The following FNDC8 variants were observed in gnomAD, a reference collection of about 807,000 sequenced individuals.
The protein encoded by FNDC8 is fibronectin type III domain containing 8.
FNDC8 carries 23 observed loss-of-function variants against 24.8 expected under a neutral mutation model. The ratio of observed to expected loss-of-function variants is 0.93; its 90% CI spans 0.67 to 1.31. FNDC8 has a LOEUF of 1.31. FNDC8 is among the 40% of genes most tolerant of loss of function. The pLI is 0.00. For synonymous variants in FNDC8, 158 were observed against 165.3 expected, an observed-to-expected ratio of 0.96 and a Z score of 0.34; for missense variants, 371 against 398.2, an observed-to-expected ratio of 0.93 and a Z score of 0.58.
Position 35,130,225 on chromosome 17 carries a change from G to A in FNDC8, c.823-57G>A. The stretch of plus-strand genomic sequence containing the variant: ...AAAAAAGGGGTGATAGAGACAGAGA[G>A]AGAGCCAGGTTCAGATCTGGGAAGG... On this transcript the variant is annotated intron_variant, in intron 3 of 3. Coordinates refer to ENST00000158009, the MANE Select transcript of FNDC8 (RefSeq NM_017559.4). 5.0e-6 allele frequency: 8 copies of A among 1,586,634 alleles called. No homozygotes were observed. In the South Asian group the frequency reaches 6.8e-5, roughly 14 times the overall value.
rs933285298 is a variant in FNDC8, at chr17:35,126,904, T to C, written c.210-138T>C. ...TGCCCTGGTGAGTCTAATGCAATGCTATAGAGCAATGAGGCTGTTCCAAGC... is the reference window on the plus strand; with the variant it reads ...TGCCCTGGTGAGTCTAATGCAATGCCATAGAGCAATGAGGCTGTTCCAAGC... On this transcript the variant is annotated intron_variant, in intron 1 of 3. Transcript: ENST00000158009. The C allele has an allele frequency of 2.4e-5, 25 of 1,050,534 alleles. 1 individual carries two copies. The highest frequency in any genetic ancestry group is 2.9e-5 in the Non-Finnish European group (21 of 729,338). The allele number at this position is 1,050,534 out of a possible 1,614,324, so 65.1% of individuals were successfully genotyped here. A position where few individuals can be genotyped will look rare whatever the true frequency, so the allele number is the denominator to read the frequency against.
At chr17:35,121,957 C>CCCTTCCTTCCTCCCTTCCTTCCTT (rs1260900433) in intron 1 of FNDC8, 55 bp downstream of exon 1, 1 of 1,220,438 alleles carries the variant, frequency 8.2e-7, no homozygotes, top group Non-Finnish European at 1.2e-6. Flanking sequence ...CTTCCTTCCT[C>CCCTTCCTTCCTCCCTTCCTTCCTT]CCTTCCTTCC....
intron 1 of FNDC8, among the ~76,000 whole-genome samples, chr17:35,124,378 A>C (rs2091841234): frequency 6.6e-6 from 1 of 152,084 alleles, no homozygotes; most frequent in Non-Finnish European, 1.5e-5. Context: ...AAATACAAAA[A>C]TTAGCTGAAC....
chr17:35,125,642 A>C (rs2091846087), intron 1 of FNDC8, among the ~76,000 whole-genome samples: 1 of 152,224 alleles, frequency 6.6e-6, no homozygotes, highest in South Asian at 2.1e-4. Context: ...ATATGTAAGA[A>C]ACCTATAAAG....
intron 1 of FNDC8, 106 bp from the exon 2 acceptor site, chr17:35,126,936 C>T (rs2091851392): frequency 1.4e-6 from 2 of 1,413,928 alleles, no homozygotes; most frequent in South Asian, 2.8e-5. Context: ...AAGCTGTTTG[C>T]AAATGGCTGG....
chr17:35,130,563 AC>A lies in FNDC8; in HGVS notation c.*133del. ...CGGGGTCTGGCAGAGTGGTATGGGCACCCCACCCCTGGGCTGGGGCCAAGGC... is the reference window on the plus strand; with the variant it reads ...CGGGGTCTGGCAGAGTGGTATGGGCACCCACCCCTGGGCTGGGGCCAAGGC... On this transcript the variant is annotated 3_prime_UTR_variant, in exon 4 of 4. Transcript: ENST00000158009. 1.0e-6 allele frequency: 1 copy of A among 987,236 alleles called. No individual in the cohort carries two copies. The highest frequency in any genetic ancestry group is 1.5e-6 in the Non-Finnish European group (1 of 685,904). The allele number at this position is 987,236 out of a possible 1,614,324, so 61.2% of individuals were successfully genotyped here.
intron 1 of FNDC8, among the ~76,000 whole-genome samples, chr17:35,125,284 C>T (rs532189364): frequency 6.6e-6 from 1 of 152,010 alleles, no homozygotes; most frequent in Non-Finnish European, 1.5e-5. Flanking sequence ...CAGAAAAACA[C>T]AAAAATTAGC....
rs952890873 is a variant in FNDC8 at position 35,130,227 on chromosome 17, G to C, written c.823-55G>C. 9.4e-6 allele frequency: 15 copies of C among 1,587,900 alleles called. No individual in the cohort carries two copies. In the African/African-American group the frequency reaches 2.0e-4, roughly 22 times the overall value. On this transcript the variant is annotated intron_variant, in intron 3 of 3. Coordinates refer to ENST00000158009, the MANE Select transcript of FNDC8 (RefSeq NM_017559.4). ...AAAAGGGGTGATAGAGACAGAGAGA[G>C]AGCCAGGTTCAGATCTGGGAAGGAA... is the stretch of plus-strand genomic sequence containing the variant.
intron 1 of FNDC8, among the ~76,000 whole-genome samples, chr17:35,125,144 T>A (rs1384277858): frequency 1.3e-5 from 2 of 151,810 alleles, no homozygotes; most frequent in Non-Finnish European, 2.9e-5. Context: ...AGCAAACATC[T>A]CATAACAATA....
At chr17:35,127,482 T>C in intron 2 of FNDC8, 65 bp downstream of exon 2, 2 of 1,476,914 alleles carry the variant, frequency 1.4e-6, no homozygotes, top group South Asian at 1.5e-5. Context: ...CTGAGCTCCA[T>C]GGGTAGTGAG....
Position 35,121,820 on chromosome 17 carries a change from C to A in FNDC8, c.127C>A (p.Arg43=). The change falls in exon 1 of 4, where the codon CGG becomes AGG. Residue 43 remains arginine, a synonymous_variant. Coordinates refer to ENST00000158009, the MANE Select transcript of FNDC8 (RefSeq NM_017559.4). ...KPFSNPKSMN[R]TVTTKGLPLA... ...CTTTTCAAACCCCAAGTCTATGAACCGGACCGTCACTACCAAAGGACTCCC... is the reference window on the plus strand; with the variant it reads ...CTTTTCAAACCCCAAGTCTATGAACAGGACCGTCACTACCAAAGGACTCCC... 1 of 1,613,712 alleles carries A rather than the reference C, an allele frequency of 6.2e-7. No homozygotes were observed. The highest frequency in any genetic ancestry group is 8.5e-7 in the Non-Finnish European group (1 of 1,179,940).
chr17:35,126,976 C>A, intron 1 of FNDC8, 66 bp from the exon 2 acceptor site: 1 of 1,518,094 alleles, frequency 6.6e-7, no homozygotes, highest in African/African-American at 1.4e-5. Flanking sequence ...CCAAGGCCTG[C>A]CCTCAGGTGG....
intron 2 of FNDC8, chr17:35,128,889 G>A (rs1048213107): frequency 5.8e-6 from 1 of 171,562 alleles, no homozygotes; most frequent in Non-Finnish European, 1.2e-5. Context: ...ATTTGGGGGT[G>A]ATGGGAGACA....
intron 1 of FNDC8, among the ~76,000 whole-genome samples, chr17:35,126,497 CTTTT>C (rs71147459): frequency 8.9e-6 from 1 of 112,044 alleles, no homozygotes; most frequent in Non-Finnish European, 1.8e-5. Context: ...ATTTTCTAAG[CTTTT>C]TTTTTTTTTT....
chr17:35,123,657 G>C (rs1343190073), intron 1 of FNDC8, among the ~76,000 whole-genome samples: 1 of 152,022 alleles, frequency 6.6e-6, no homozygotes, highest in Non-Finnish European at 1.5e-5. Flanking sequence ...AGAATCCTTT[G>C]AACCTGGGAG....
At chr17:35,129,886 A>G in intron 3 of FNDC8, 1 of 1,409,242 alleles carries the variant, frequency 7.1e-7, no homozygotes, top group Non-Finnish European at 9.2e-7. Context: ...TTTCAACATC[A>G]CTATAATGTT....
chr17:35,126,537 C>T (rs900494476), intron 1 of FNDC8, among the ~76,000 whole-genome samples: 2 of 135,966 alleles, frequency 1.5e-5, no homozygotes, highest in Admixed American at 1.6e-4. Flanking sequence ...GAGTTTCACT[C>T]TGTCACCCAG....
chr17:35,129,716 C>T (rs1567741741), intron 3 of FNDC8, 58 bp downstream of exon 3: 1 of 1,578,196 alleles, frequency 6.3e-7, no homozygotes, highest in Non-Finnish European at 8.6e-7. Flanking sequence ...GCCAGGGAAC[C>T]AGGGCTTTGG....
chr17:35,125,416 C>T (rs1392085872), intron 1 of FNDC8, among the ~76,000 whole-genome samples: 1 of 151,634 alleles, frequency 6.6e-6, no homozygotes, highest in Non-Finnish European at 1.5e-5. Context: ...GACCCTGTCT[C>T]AAAAAACAAA....
Sources: gnomAD v4.1 joint callset for allele counts (sites outside exome capture counted in the v4.1 genomes callset) on GRCh38, gnomAD v4.1.1 for gene constraint, MANE v1.5 for transcripts, NCBI Gene and HGNC (gene_info 2026-07-23, HGNC 2026-07-21) for gene names.